Variants in USP47 observed in about 807,000 individuals in gnomAD.
USP47 encodes ubiquitin carboxyl-terminal hydrolase 47.
In USP47, 35 loss-of-function variants were observed where a neutral mutation model predicts 165.1. That is an observed-to-expected ratio of 0.21 (90% CI 0.16 to 0.28). The LOEUF (loss-of-function observed/expected upper bound fraction) is 0.28, where lower values mean the gene tolerates loss of function less well. Among genes scored for constraint, USP47 ranks in the 10% least tolerant of loss-of-function variants. USP47 has a pLI of 1.00. For synonymous variants in USP47, 531 were observed against 544.5 expected, an observed-to-expected ratio of 0.98 and a Z score of 0.35; for missense variants, 1,277 against 1,607.4, an observed-to-expected ratio of 0.79 and a Z score of 3.52.
At chr11:11,868,488 C>G (rs991546435) in intron 1 of USP47, among the ~76,000 whole-genome samples, 1 of 152,216 alleles carries the variant, frequency 6.6e-6, no homozygotes, top group East Asian at 1.9e-4. Flanking sequence ...CTATTTATTG[C>G]TTAGTAGTTT....
intron 2 of USP47, among the ~76,000 whole-genome samples, chr11:11,882,837 C>A (rs891489306): frequency 5.3e-5 from 8 of 152,152 alleles, no homozygotes; most frequent in Non-Finnish European, 1.0e-4. Context: ...CCTCCATAAA[C>A]ATTCCTTCTA....
intron 3 of USP47, among the ~76,000 whole-genome samples, chr11:11,886,395 A>G (rs1307157450): frequency 6.6e-6 from 1 of 152,234 alleles, no homozygotes; most frequent in Non-Finnish European, 1.5e-5. Flanking sequence ...AGAAAGGAAC[A>G]TTACTGACCT....
chr11:11,857,550 A>G (rs950703096), intron 1 of USP47, among the ~76,000 whole-genome samples: 3 of 152,230 alleles, frequency 2.0e-5, no homozygotes, highest in African/African-American at 7.2e-5. Context: ...CAGTTGAGTA[A>G]TATGATTTTA....
At chr11:11,882,377 T>G (rs1850888252) in intron 2 of USP47, among the ~76,000 whole-genome samples, 1 of 152,182 alleles carries the variant, frequency 6.6e-6, no homozygotes. Flanking sequence ...ATCAAAGATG[T>G]TTGATGTTGC....
Position 11,942,536 on chromosome 11 carries a change from G to C in USP47, c.2515G>C (p.Val839Leu). ...SGNVDDDCER[V>L]KGPVGSLKSV... The stretch of plus-strand genomic sequence containing the variant: ...TAATGTGGATGATGACTGTGAAAGA[G>C]TCAAAGGACCTGTAGGAAGCCTAAA... Residue 839 changes from valine (V) to leucine (L), a missense_variant, in exon 20 of 28, where the codon GTC becomes CTC. Val to Leu is a conservative substitution (Grantham distance 32). Around this residue, in one of 4 missense-constraint regions of USP47, gnomAD observed 909 missense variants for 1,068.1 expected, o/e 0.85. Transcript: ENST00000527733. 1 of 1,613,654 alleles carries C rather than the reference G, an allele frequency of 6.2e-7. No homozygotes were observed. Among genetic ancestry groups the C allele is most frequent in the South Asian group, 1.1e-5 (1 of 91,068 alleles).
chr11:11,927,295 TG>T (rs1427849109), intron 11 of USP47, among the ~76,000 whole-genome samples: 2 of 152,078 alleles, frequency 1.3e-5, no homozygotes, highest in African/African-American at 4.8e-5. Context: ...TGTTTTTTGT[TG>T]TTGTTTTGGT....
At chr11:11,872,566 G>C (rs1850136657) in intron 1 of USP47, among the ~76,000 whole-genome samples, 2 of 152,146 alleles carry the variant, frequency 1.3e-5, no homozygotes, top group Non-Finnish European at 2.9e-5. Flanking sequence ...CCAGGTACAT[G>C]GTACAGATAC....
chr11:11,856,467 T>TA (rs1464353862), intron 1 of USP47: 2 of 152,228 alleles, frequency 1.3e-5, no homozygotes, highest in Admixed American at 1.3e-4. Context: ...CTTTTCATAA[T>TA]ACATTTTAGC....
intron 1 of USP47, among the ~76,000 whole-genome samples, chr11:11,863,025 C>T (rs1849474093): frequency 6.6e-6 from 1 of 152,120 alleles, no homozygotes; most frequent in Admixed American, 6.5e-5. Flanking sequence ...GGGGAAATTG[C>T]AGAGGGATAC....
intron 1 of USP47, chr11:11,878,605 T>C (rs918012950): frequency 1.3e-5 from 2 of 152,146 alleles, no homozygotes; most frequent in African/African-American, 4.8e-5. Context: ...AATGTTCTTT[T>C]GTTTCTTTTA....
In USP47 at chr11:11,913,106, G is replaced by A. The variant is rs1231445476; in HGVS notation, c.970-7050G>A. 2.6e-5 allele frequency among the ~76,000 whole-genome samples: 4 copies of A among 152,008 alleles called. No homozygotes were observed. In the South Asian group the frequency reaches 6.2e-4, roughly 24 times the overall value. On this transcript the variant is annotated intron_variant, in intron 8 of 27. Coordinates refer to ENST00000527733, the MANE Select transcript of USP47 (RefSeq NM_001282659.2). The stretch of plus-strand genomic sequence containing the variant: ...ATGGCACGCTTGTCTAGGCAAGGAT[G>A]TCTGCTCCTACCACTCCTTTTCAGC...
chr11:11,957,029 C>G lies in USP47; in HGVS notation c.*854C>G, dbSNP rs1847233961. On this transcript the variant is annotated 3_prime_UTR_variant, in exon 28 of 28. Transcript: ENST00000527733. ...TGTGTACATTGAGAAGTATAGCAAT[C>G]TATGTAAATGTAATCCTCAGTGAGG... 1 of 152,210 alleles carries G rather than the reference C, an allele frequency of 6.6e-6. No individual in the cohort carries two copies. Among genetic ancestry groups the G allele is most frequent in the South Asian group, 2.1e-4 (1 of 4,832 alleles). The allele number at this position is 152,210 out of a possible 1,614,324, so 9.4% of individuals were successfully genotyped here. A position where few individuals can be genotyped will look rare whatever the true frequency, so the allele number is the denominator to read the frequency against.
intron 8 of USP47, among the ~76,000 whole-genome samples, chr11:11,910,746 C>T (rs190008631): frequency 2.6e-5 from 4 of 152,188 alleles, no homozygotes; most frequent in Admixed American, 1.3e-4. Flanking sequence ...CCATCTGGCA[C>T]TAATATGGCA....
In USP47 at chr11:11,884,445, ACAT is replaced by A; in HGVS notation, c.244-21_244-19del. On this transcript the variant is annotated intron_variant, in intron 2 of 27. Transcript: ENST00000527733. The stretch of plus-strand genomic sequence containing the variant: ...TATTTTATGTTTCTCATAATCTGAA[ACAT>A]TATGTTTTATGTCCATAGGCACCAC... 6.6e-7 allele frequency: 1 copy of A among 1,506,888 alleles called. No homozygotes were observed. The highest frequency in any genetic ancestry group is 9.0e-7 in the Non-Finnish European group (1 of 1,116,202). 93.3% of individuals were successfully genotyped at this position (1,506,888 alleles called of 1,614,324 possible).
chr11:11,949,872 T>A lies in USP47; in HGVS notation c.3349-17T>A, dbSNP rs78852511. On this transcript the variant is annotated splice_polypyrimidine_tract_variant and intron_variant, in intron 22 of 27. Transcript: ENST00000527733. ...AGGTATAATTCAAGCTCTGATTGTT[T>A]ATGTTTATATTTCTAGCCATGCAAG... is the stretch of plus-strand genomic sequence containing the variant. 16 of 1,540,618 alleles carry A rather than the reference T, an allele frequency of 1.0e-5. No homozygotes were observed. Among genetic ancestry groups the A allele is most frequent in the Middle Eastern group, 1.7e-4 (1 of 5,924 alleles).
intron 4 of USP47, among the ~76,000 whole-genome samples, chr11:11,896,156 ATG>A (rs1467668392): frequency 1.3e-5 from 2 of 152,232 alleles, no homozygotes; most frequent in Non-Finnish European, 2.9e-5. Context: ...ATAGAGTCAT[ATG>A]TGATTTTTAT....
intron 1 of USP47, among the ~76,000 whole-genome samples, chr11:11,860,157 TTA>T (rs200070741): frequency 6.7e-6 from 1 of 148,764 alleles, no homozygotes; most frequent in African/African-American, 2.6e-5. Context: ...ATTTATTTAT[TTA>T]TTTTTTTGAG....
intron 20 of USP47, among the ~76,000 whole-genome samples, chr11:11,944,468 G>C (rs1200190420): frequency 6.6e-6 from 1 of 152,156 alleles, no homozygotes; most frequent in Admixed American, 6.6e-5. Context: ...GAACAAAATA[G>C]AGGGAAATCG....
Position 11,841,989 on chromosome 11 carries a change from T to TAGCGGC in USP47, c.-196_-191dup. ...GGGCCGACGACGAAGGCGGCTGTGGTAGCGGCGGCGGCGGCGGCGGAGCCC... is the reference window on the plus strand; with the variant it reads ...GGGCCGACGACGAAGGCGGCTGTGGTAGCGGCAGCGGCGGCGGCGGCGGCGGAGCCC... On this transcript the variant is annotated 5_prime_UTR_variant, in exon 1 of 28. Coordinates refer to ENST00000527733, the MANE Select transcript of USP47 (RefSeq NM_001282659.2). 1 of 543,400 alleles carries TAGCGGC rather than the reference T, an allele frequency of 1.8e-6. No individual in the cohort carries two copies. Among genetic ancestry groups the TAGCGGC allele is most frequent in the Non-Finnish European group, 3.2e-6 (1 of 316,792 alleles). The allele number at this position is 543,400 out of a possible 1,614,324, so 33.7% of individuals were successfully genotyped here. A position where few individuals can be genotyped will look rare whatever the true frequency, so the allele number is the denominator to read the frequency against.
Sources: gnomAD v4.1 joint callset for allele counts (sites outside exome capture counted in the v4.1 genomes callset) on GRCh38, gnomAD v4.1.1 for gene constraint, gnomAD v4.1.1 regional missense constraint, MANE v1.5 for transcripts, NCBI Gene and HGNC (gene_info 2026-07-23, HGNC 2026-07-21) for gene names.